DOCK10: variants seen among roughly 807,000 people sequenced by gnomAD.
DOCK10 encodes dedicator of cytokinesis 10, also known as dedicator of cytokinesis protein 10.
Under a neutral mutation model 280.1 loss-of-function variants are expected in DOCK10, and 145 were observed. That is an observed-to-expected ratio of 0.52 (90% CI 0.45 to 0.59). DOCK10 has a LOEUF of 0.59. Among genes scored for constraint, DOCK10 ranks in the 20% least tolerant of loss-of-function variants. The pLI is 0.00. For missense variants in DOCK10, 2,368 were observed against 2,651.7 expected (o/e 0.89, Z 2.35); for synonymous variants, 915 against 942.2 (o/e 0.97, Z 0.53).
chr2:224,783,722 C>G (rs554904098), intron 50 of DOCK10, among the ~76,000 whole-genome samples: 5 of 151,322 alleles, frequency 3.3e-5, no homozygotes, highest in African/African-American at 9.7e-5. Context: ...CCACTGCCCC[C>G]CCTCAGTCTA....
At chr2:224,986,478 G>A (rs889249608) in intron 1 of DOCK10, among the ~76,000 whole-genome samples, 1 of 152,130 alleles carries the variant, frequency 6.6e-6, no homozygotes, top group East Asian at 1.9e-4. Flanking sequence ...TCATATGTTG[G>A]AACCCTGAGC....
chr2:224,967,515 A>C (rs1356530797), intron 1 of DOCK10, among the ~76,000 whole-genome samples: 1 of 152,194 alleles, frequency 6.6e-6, no homozygotes, highest in Admixed American at 6.5e-5. Flanking sequence ...ATGATTTTAT[A>C]ATCAGGTTTC....
In DOCK10 at chr2:224,770,990, T is replaced by G. The variant is rs532631596; in HGVS notation, c.6205-345A>C. Among the ~76,000 whole-genome samples, 2 of 152,184 alleles carry G rather than the reference T, an allele frequency of 1.3e-5. No homozygotes were observed. Among genetic ancestry groups the G allele is most frequent in the East Asian group, 3.9e-4 (2 of 5,178 alleles). On this transcript the variant is annotated intron_variant, in intron 53 of 55. Coordinates refer to ENST00000258390, the MANE Select transcript of DOCK10 (RefSeq NM_014689.3). This position sits in a 1 kb window ranked among gnomAD's most constrained non-coding sequence, Gnocchi z 4.5. ...TCTCACTCTGTTGCCCAGGCTAGAG[T>G]GCAGTGGCATGATCACTGCAGCTTC...
chr2:225,041,235 GCCGTTTAGTT>G (rs1690414804), intron 1 of DOCK10, among the ~76,000 whole-genome samples: 1 of 152,196 alleles, frequency 6.6e-6, no homozygotes. Flanking sequence ...CTTAAAAAGA[GCCGTTTAGTT>G]CCTAATGATA....
chr2:224,996,194 C>T (rs1400676437), intron 1 of DOCK10, among the ~76,000 whole-genome samples: 1 of 152,230 alleles, frequency 6.6e-6, no homozygotes, highest in African/African-American at 2.4e-5. Context: ...TAATCAGGCA[C>T]AGTGGGGCCT....
chr2:224,946,924 G>A (rs1169804573), intron 1 of DOCK10: 2 of 1,542,090 alleles, frequency 1.3e-6, no homozygotes, highest in African/African-American at 1.4e-5. Flanking sequence ...CTGGGCTCCC[G>A]TTTAAAAACC....
At chr2:224,828,249 T>C (rs1218109049) in intron 27 of DOCK10, among the ~76,000 whole-genome samples, 2 of 152,218 alleles carry the variant, frequency 1.3e-5, no homozygotes, top group East Asian at 3.8e-4. Flanking sequence ...TCTGCAATTG[T>C]ACATTGAGGA....
intron 1 of DOCK10, among the ~76,000 whole-genome samples, chr2:225,012,114 G>C (rs1689456562): frequency 6.6e-6 from 1 of 152,070 alleles, no homozygotes; most frequent in African/African-American, 2.4e-5. Flanking sequence ...TTCAGAATTT[G>C]AAATCCATAA....
intron 1 of DOCK10, among the ~76,000 whole-genome samples, chr2:224,961,412 C>CTCTCTCTTTCTTTCTTTCTTTCTT (rs1553623605): frequency 8.4e-6 from 1 of 119,380 alleles, no homozygotes; most frequent in Non-Finnish European, 1.7e-5. Context: ...TTCTTTCTTT[C>CTCTCTCTTTCTTTCTTTCTTTCTT]TCTTTCTTTC....
chr2:225,036,427 C>T (rs1309546073), intron 1 of DOCK10, among the ~76,000 whole-genome samples: 1 of 152,200 alleles, frequency 6.6e-6, no homozygotes, highest in Non-Finnish European at 1.5e-5. Context: ...GGACCCTCAT[C>T]AATTGACTTT....
Position 224,770,634 on chromosome 2 carries a change from C to A in DOCK10, c.6216G>T (p.Gly2072=), listed in dbSNP as rs1271997614. The stretch of plus-strand genomic sequence containing the variant: ...GAAAAGCTCGTGCATAGGCCATTGG[C>A]CCAGCATTAACCTGTTGAGAAGAAA... ...QGSVSVKVNA[G]PMAYARAFLE... is the part of the protein sequence containing the mutation. Residue 2072 remains glycine (G), a synonymous_variant, in exon 54 of 56, where the codon GGG becomes GGT. Coordinates refer to ENST00000258390, the MANE Select transcript of DOCK10 (RefSeq NM_014689.3). This position sits in a 1 kb window ranked among gnomAD's most constrained non-coding sequence, Gnocchi z 4.5. 1 of 1,613,220 alleles carries A rather than the reference C, an allele frequency of 6.2e-7. No homozygotes were observed. The highest frequency in any genetic ancestry group is 8.5e-7 in the Non-Finnish European group (1 of 1,179,198).
chr2:224,918,879 T>C (rs1287995002), intron 2 of DOCK10, among the ~76,000 whole-genome samples: 1 of 144,252 alleles, frequency 6.9e-6, no homozygotes, highest in Non-Finnish European at 1.5e-5. Context: ...AGTGTGTGTA[T>C]ATGTATGTGT....
rs200725531 is a variant in DOCK10 at position 224,946,396 on chromosome 2, CTCTT to C, written c.124-14732_124-14729del. On this transcript the variant is annotated intron_variant, in intron 1 of 55. Transcript: ENST00000258390. ...ACTTTTTCTTTCATATTTTGGATTG[CTCTT>C]TCTAAGAATTTTAAAATAAATAATT... is the stretch of plus-strand genomic sequence containing the variant. Among the ~76,000 whole-genome samples the C allele has an allele frequency of 6.7e-3, 1,024 of 152,138 alleles. 13 individuals carry two copies. Among genetic ancestry groups the C allele is most frequent in the African/African-American group, 0.022 (907 of 41,506 alleles).
chr2:225,013,251 A>C (rs1689494000), intron 1 of DOCK10, among the ~76,000 whole-genome samples: 1 of 152,104 alleles, frequency 6.6e-6, no homozygotes, highest in Non-Finnish European at 1.5e-5. Context: ...TAGTATATAA[A>C]ATTTTCAGTA....
intron 4 of DOCK10, among the ~76,000 whole-genome samples, chr2:224,887,426 A>C (rs1699373795): frequency 6.6e-6 from 1 of 152,158 alleles, no homozygotes; most frequent in Admixed American, 6.5e-5. Flanking sequence ...ATGCCTATTC[A>C]AGTTGCAACA....
chr2:224,805,400 A>G lies in DOCK10; in HGVS notation c.3936+8T>C. On this transcript the variant is annotated splice_region_variant and intron_variant, in intron 35 of 55. Transcript: ENST00000258390. This position sits in a 1 kb window ranked among gnomAD's most constrained non-coding sequence, Gnocchi z 4.3. ...TAATGATCAGTAGGTTTGAGAGGGA[A>G]GTCATACCTTTTCACAGTTGTCCGT... is the stretch of plus-strand genomic sequence containing the variant. The G allele has an allele frequency of 6.2e-7, 1 of 1,612,812 alleles. No individual in the cohort carries two copies. The highest frequency in any genetic ancestry group is 1.7e-5 in the Admixed American group (1 of 59,838).
At position 224,912,748 on chromosome 2, in the gene DOCK10, G is replaced by A. The variant is rs114243929; in HGVS notation, c.333+3947C>T. On this transcript the variant is annotated intron_variant, in intron 3 of 55. Coordinates refer to ENST00000258390, the MANE Select transcript of DOCK10 (RefSeq NM_014689.3). ...AACAATATATTATGGGCATCAGGCC[G>A]GGCATGGTGGCTCACGCCTGTAATC... Among the ~76,000 whole-genome samples, 1,282 of 152,124 alleles carry A rather than the reference G, an allele frequency of 8.4e-3. 23 individuals are homozygous for A. Among genetic ancestry groups the A allele is most frequent in the African/African-American group, 0.027 (1,106 of 41,512 alleles).
At chr2:224,950,372 AC>A (rs1449105714) in intron 1 of DOCK10, among the ~76,000 whole-genome samples, 2 of 152,188 alleles carry the variant, frequency 1.3e-5, no homozygotes, top group African/African-American at 4.8e-5. Context: ...TCATCCAACA[AC>A]CCTGTGAGGT....
At chr2:224,789,014 C>G in intron 48 of DOCK10, 50 bp downstream of exon 48, 1 of 1,135,678 alleles carries the variant, frequency 8.8e-7, no homozygotes, top group Non-Finnish European at 1.3e-6. Flanking sequence ...TGTCACAAGC[C>G]AATGCATCTC....
Sources: allele counts gnomAD v4.1 joint callset (sites outside exome capture counted in the v4.1 genomes callset), GRCh38; gene constraint gnomAD v4.1.1; non-coding constraint Gnocchi (gnomAD v3.1); transcripts MANE v1.5; gene names NCBI Gene and HGNC (gene_info 2026-07-23, HGNC 2026-07-21).